The following PTPRD variants were observed in gnomAD, a reference collection of about 807,000 sequenced individuals.
PTPRD encodes the protein receptor-type tyrosine-protein phosphatase delta.
PTPRD carries 34 observed loss-of-function variants against 214.5 expected under a neutral mutation model. The ratio of observed to expected loss-of-function variants is 0.16; its 90% CI spans 0.12 to 0.21. The LOEUF (loss-of-function observed/expected upper bound fraction) is 0.21, where lower values mean the gene tolerates loss of function less well. Among genes scored for constraint, PTPRD ranks in the 10% least tolerant of loss-of-function variants. The pLI, the probability that PTPRD is intolerant of heterozygous loss-of-function variation, is 1.00. For missense variants in PTPRD, 2,545 were observed against 2,398.7 expected (o/e 1.06, Z -1.27); for synonymous variants, 1,128 against 845.7 (o/e 1.33, Z -5.79).
intron 10 of PTPRD, among the ~76,000 whole-genome samples, chr9:9,177,046 G>T (rs190479284): frequency 6.6e-6 from 1 of 152,168 alleles, no homozygotes; most frequent in East Asian, 1.9e-4. Flanking sequence ...ATAAAGAACT[G>T]CCCAAGACTG....
intron 11 of PTPRD, among the ~76,000 whole-genome samples, chr9:8,748,023 C>T (rs1028696215): frequency 6.6e-6 from 1 of 152,122 alleles, no homozygotes; most frequent in East Asian, 1.9e-4. Context: ...TACCGCGGAC[C>T]CCTGGACCGG....
intron 5 of PTPRD, among the ~76,000 whole-genome samples, chr9:9,794,618 T>C: frequency 6.9e-6 from 1 of 144,192 alleles, no homozygotes; most frequent in East Asian, 1.9e-4. Context: ...TGACTAACAT[T>C]GTTTGTCGAC....
At chr9:10,574,542 A>G (rs1567011944) in intron 2 of PTPRD, among the ~76,000 whole-genome samples, 1 of 151,152 alleles carries the variant, frequency 6.6e-6, no homozygotes, top group Non-Finnish European at 1.5e-5. Context: ...AGGAAAAAAA[A>G]TATATCATTT....
intron 2 of PTPRD, among the ~76,000 whole-genome samples, chr9:10,378,320 T>C (rs2097766352): frequency 6.6e-6 from 1 of 152,074 alleles, no homozygotes; most frequent in Non-Finnish European, 1.5e-5. Context: ...TAACTTAATG[T>C]GATCCCTTCT....
chr9:8,525,859 C>T (rs1592771062), intron 17 of PTPRD, among the ~76,000 whole-genome samples: 2 of 152,134 alleles, frequency 1.3e-5, no homozygotes, highest in South Asian at 4.2e-4. Flanking sequence ...AAAAGAAATG[C>T]ACACTGAGTC....
chr9:9,007,500 A>T (rs1046780434), intron 11 of PTPRD, among the ~76,000 whole-genome samples: 9 of 151,920 alleles, frequency 5.9e-5, no homozygotes, highest in Admixed American at 5.9e-4. Context: ...TGACCCTATT[A>T]CTTTTTTCTA....
intron 9 of PTPRD, among the ~76,000 whole-genome samples, chr9:9,206,927 T>C (rs889984849): frequency 1.3e-5 from 2 of 152,202 alleles, no homozygotes; most frequent in South Asian, 4.1e-4. Context: ...CTTTCATATA[T>C]ACATCTATCC....
chr9:8,771,966 A>G (rs967121579), intron 11 of PTPRD, among the ~76,000 whole-genome samples: 1 of 152,154 alleles, frequency 6.6e-6, no homozygotes, highest in Admixed American at 6.6e-5. Flanking sequence ...AGACTGTAAG[A>G]ATAATTACTA....
At position 9,891,294 on chromosome 9, in the gene PTPRD, G is replaced by C. The variant is rs540824138; in HGVS notation, c.-368+47213C>G. On this transcript the variant is annotated intron_variant, in intron 5 of 45. Transcript: ENST00000381196. ...ATGCAATAAACTCCCAATTATTTTA[G>C]ACTTTTTGTTCCAAATAATTAAAGA... Among the ~76,000 whole-genome samples, 6 of 151,878 alleles carry C rather than the reference G, an allele frequency of 4.0e-5. No homozygotes were observed. The South Asian group carries it at 1.2e-3, about 32-fold the overall frequency.
chr9:9,874,611 G>A (rs780448577), intron 5 of PTPRD, among the ~76,000 whole-genome samples: 3 of 152,228 alleles, frequency 2.0e-5, no homozygotes, highest in Non-Finnish European at 4.4e-5. Context: ...CTAATTCCTC[G>A]TTCTCTTTTA....
At chr9:9,974,352 C>CTTT (rs2095272292) in intron 4 of PTPRD, among the ~76,000 whole-genome samples, 2 of 151,946 alleles carry the variant, frequency 1.3e-5, no homozygotes, top group Non-Finnish European at 2.9e-5. Context: ...CTGCACCAAG[C>CTTT]CTTTCTCCTT....
At chr9:9,252,788 G>T (rs1353436826) in intron 9 of PTPRD, among the ~76,000 whole-genome samples, 1 of 151,946 alleles carries the variant, frequency 6.6e-6, no homozygotes, top group Non-Finnish European at 1.5e-5. Context: ...TTCATTGCTG[G>T]GTACTCATGC....
chr9:9,846,121 G>A (rs1261724626), intron 5 of PTPRD, among the ~76,000 whole-genome samples: 5 of 152,000 alleles, frequency 3.3e-5, no homozygotes, highest in African/African-American at 4.8e-5. Context: ...TTATCTAAAC[G>A]TTAAATAGGT....
intron 9 of PTPRD, among the ~76,000 whole-genome samples, chr9:9,318,177 A>G (rs761802706): frequency 5.9e-5 from 9 of 151,976 alleles, no homozygotes; most frequent in Non-Finnish European, 8.8e-5. Context: ...CATCAAAAAA[A>G]GAAACAAAAA....
chr9:9,300,810 T>C (rs762179600), intron 9 of PTPRD, among the ~76,000 whole-genome samples: 55 of 152,028 alleles, frequency 3.6e-4, no homozygotes, highest in Non-Finnish European at 3.5e-4. Context: ...TATGGTATTT[T>C]GTTATATCAA....
intron 12 of PTPRD, among the ~76,000 whole-genome samples, chr9:8,647,119 G>A (rs1285474305): frequency 1.3e-5 from 2 of 152,202 alleles, no homozygotes; most frequent in Non-Finnish European, 2.9e-5. Context: ...ACAGATTCAT[G>A]TGTATCATCA....
rs911879892 is a variant in PTPRD at position 9,546,342 on chromosome 9, C to A, written c.-237+28390G>T. ...TTTATTTCCTTTTCTTGTCTTATTG[C>A]ATAAGCTAGAACTTATGCAATTTTT... On this transcript the variant is annotated intron_variant, in intron 8 of 45. Coordinates refer to ENST00000381196, the MANE Select transcript of PTPRD (RefSeq NM_002839.4). Among the ~76,000 whole-genome samples, 51 of 151,600 alleles carry A rather than the reference C, an allele frequency of 3.4e-4. 2 individuals are homozygous for A. The highest frequency in any genetic ancestry group is 5.9e-4 in the Admixed American group (9 of 15,192).
chr9:10,100,164 T>C (rs1479078195), intron 3 of PTPRD, among the ~76,000 whole-genome samples: 2 of 151,652 alleles, frequency 1.3e-5, no homozygotes, highest in Admixed American at 6.6e-5. Context: ...AATTCCACAA[T>C]TGAACAGATG....
At chr9:9,596,561 T>A (rs540195381) in intron 7 of PTPRD, among the ~76,000 whole-genome samples, 152 of 152,120 alleles carry the variant, frequency 1.0e-3, no homozygotes, top group Middle Eastern at 3.4e-3. Context: ...AATGTTTTTC[T>A]AAGACTAGCA....
Sources: allele counts gnomAD v4.1 joint callset (sites outside exome capture counted in the v4.1 genomes callset), GRCh38; gene constraint gnomAD v4.1.1; transcripts MANE v1.5; gene names NCBI Gene and HGNC (gene_info 2026-07-23, HGNC 2026-07-21).